FBLN7: variants seen among roughly 807,000 people sequenced by gnomAD.
The protein encoded by FBLN7 is fibulin-7.
Under a neutral mutation model 44.0 loss-of-function variants are expected in FBLN7, and 31 were observed. The observed-to-expected ratio is 0.70, with a 90% confidence interval of 0.53 to 0.95. FBLN7 has a LOEUF of 0.95. Ranked by LOEUF, FBLN7 falls within the 40% of genes least tolerant of loss-of-function variation. FBLN7 has a pLI of 0.00. For synonymous variants in FBLN7, 262 were observed against 253.4 expected (o/e 1.03, Z -0.32); for missense variants, 573 against 618.5 (o/e 0.93, Z 0.78).
chr2:112,205,862 T>C, the FBLN7 span, among the ~76,000 whole-genome samples: 1 of 152,166 alleles, frequency 6.6e-6, no homozygotes, highest in Admixed American at 6.5e-5. Flanking sequence ...AAAAAATTAT[T>C]TGGGGATTTT....
chr2:112,194,196 C>T, the FBLN7 span, among the ~76,000 whole-genome samples: 4 of 152,134 alleles, frequency 2.6e-5, no homozygotes, highest in East Asian at 7.7e-4. Context: ...CTTGGGCTCT[C>T]CATGTGGCTT....
At chr2:112,144,220 A>G (rs1573759293) in intron 1 of FBLN7, among the ~76,000 whole-genome samples, 1 of 152,320 alleles carries the variant, frequency 6.6e-6, no homozygotes, top group Middle Eastern at 3.4e-3. Context: ...TTGGCCGAAG[A>G]TTCAATTGAT....
rs1558899461 is a variant in FBLN7, at chr2:112,187,322, A to G, written c.1136A>G (p.Asn379Ser). The change falls in exon 8 of 8, where the codon AAC becomes AGC. Residue 379 changes from asparagine (N) to serine (S), a missense_variant. Coordinates refer to ENST00000331203, the MANE Select transcript of FBLN7 (RefSeq NM_153214.3). The surrounding 1 kb of genome is among the most constrained non-coding windows in gnomAD (Gnocchi z 5.1). ...CTGCGGTTTGGGATCGTGGGTGGGA[A>G]CAGCCGCGGCCACTTTGTGATGCAG... ...NSLRFGIVGGNSRGHFVMQRS... is the reference protein window; with the variant it reads ...NSLRFGIVGGSSRGHFVMQRS... 2 of 1,614,126 alleles carry G rather than the reference A, an allele frequency of 1.2e-6. No individual in the cohort carries two copies. Among genetic ancestry groups the G allele is most frequent in the Non-Finnish European group, 1.7e-6 (2 of 1,180,024 alleles).
chr2:112,180,655 T>C (rs1314476632), intron 4 of FBLN7, among the ~76,000 whole-genome samples: 3 of 152,124 alleles, frequency 2.0e-5, no homozygotes, highest in Non-Finnish European at 4.4e-5. Context: ...GCGTGGTGGC[T>C]CACGCCTGTA....
chr2:112,227,301 G>A, the FBLN7 span, among the ~76,000 whole-genome samples: 1 of 152,216 alleles, frequency 6.6e-6, no homozygotes, highest in African/African-American at 2.4e-5. Context: ...GAGGCAGGCG[G>A]ATCGCCTGAG....
intron 2 of FBLN7, among the ~76,000 whole-genome samples, chr2:112,160,122 C>T (rs961534490): frequency 6.6e-6 from 1 of 152,084 alleles, no homozygotes; most frequent in Non-Finnish European, 1.5e-5. Flanking sequence ...TCCCGCGTAG[C>T]TGGGACTACA....
chr2:112,207,564 T>C, the FBLN7 span, among the ~76,000 whole-genome samples: 5 of 152,334 alleles, frequency 3.3e-5, no homozygotes, highest in South Asian at 2.1e-4. Context: ...GCTCAGTTCT[T>C]CTATATATTT....
chr2:112,202,593 C>A, the FBLN7 span, among the ~76,000 whole-genome samples: 2 of 151,970 alleles, frequency 1.3e-5, no homozygotes, highest in African/African-American at 4.8e-5. Context: ...CCAAAACAGT[C>A]AAAAATCAAC....
rs1409737002 is a variant in FBLN7, at chr2:112,147,327, T to C, written c.75+8597T>C. Among the ~76,000 whole-genome samples, 3 of 152,348 alleles carry C rather than the reference T, an allele frequency of 2.0e-5. No individual in the cohort carries two copies. In the East Asian group the frequency reaches 5.8e-4, roughly 29 times the overall value. On this transcript the variant is annotated intron_variant, in intron 1 of 7. Transcript: ENST00000331203. ...ACCTCTCTCTTGAGGCACCTACTTC[T>C]AAATACTCTGGGGACCACTCCGCAT...
chr2:112,189,824 C>T (rs573344671), downstream of FBLN7: 14 of 152,262 alleles, frequency 9.2e-5, no homozygotes, highest in East Asian at 2.3e-3. Flanking sequence ...GAATGTATCT[C>T]TAAAAGACAA....
At chr2:112,157,838 G>T (rs1317604259) in intron 1 of FBLN7, among the ~76,000 whole-genome samples, 1 of 151,832 alleles carries the variant, frequency 6.6e-6, no homozygotes, top group Non-Finnish European at 1.5e-5. Flanking sequence ...GGATGCAAGT[G>T]ATCCCAAAGT....
intron 2 of FBLN7, among the ~76,000 whole-genome samples, chr2:112,162,024 T>C (rs1181569545): frequency 2.0e-5 from 3 of 152,142 alleles, no homozygotes; most frequent in Non-Finnish European, 4.4e-5. Flanking sequence ...AACTACCTTA[T>C]TGCTTTTTAA....
At chr2:112,162,035 AAG>A (rs1022746492) in intron 2 of FBLN7, among the ~76,000 whole-genome samples, 7 of 152,192 alleles carry the variant, frequency 4.6e-5, no homozygotes, top group Non-Finnish European at 1.5e-5. Context: ...TGCTTTTTAA[AAG>A]AGAGACAAGG....
the FBLN7 span, among the ~76,000 whole-genome samples, chr2:112,223,403 T>C: frequency 4.0e-5 from 6 of 151,894 alleles, no homozygotes; most frequent in Non-Finnish European, 8.8e-5. Flanking sequence ...ATAAAATAAA[T>C]AAAGCCATTA....
chr2:112,156,403 C>T (rs1197659448), intron 1 of FBLN7, among the ~76,000 whole-genome samples: 1 of 152,218 alleles, frequency 6.6e-6, no homozygotes, highest in Non-Finnish European at 1.5e-5. Flanking sequence ...CGTTTCTCCA[C>T]GGGGTTGCTG....
rs1573747333 is a variant in FBLN7 at position 112,138,492 on chromosome 2, G to A, written c.-164G>A. 6 of 840,080 alleles carry A rather than the reference G, an allele frequency of 7.1e-6. No homozygotes were observed. The highest frequency in any genetic ancestry group is 9.6e-6 in the Non-Finnish European group (6 of 622,454). 52.0% of individuals were successfully genotyped at this position (840,080 alleles called of 1,614,324 possible). Reference sequence around the variant, plus strand: ...GCCCGGGCGGCGCCGATCCCCGCGGGACGCGCTGCGCTCGGGGCCTCCCGC... The same window carrying A: ...GCCCGGGCGGCGCCGATCCCCGCGGAACGCGCTGCGCTCGGGGCCTCCCGC... On this transcript the variant is annotated 5_prime_UTR_variant, in exon 1 of 8. Transcript: ENST00000331203.
chr2:112,213,812 T>C, the FBLN7 span: 1 of 132,602 alleles, frequency 7.5e-6, no homozygotes, highest in Non-Finnish European at 1.6e-5. Context: ...AAAAAAAAAA[T>C]TTAGTTCTAC....
intron 7 of FBLN7, among the ~76,000 whole-genome samples, 169 bp from the exon 8 acceptor site, chr2:112,186,965 C>A (rs1423223515): frequency 6.6e-6 from 1 of 152,192 alleles, no homozygotes; most frequent in African/African-American, 2.4e-5. Flanking sequence ...ATGCCTGACA[C>A]CAGCTACATT....
chr2:112,142,796 G>A (rs1000125122), intron 1 of FBLN7, among the ~76,000 whole-genome samples: 1 of 149,316 alleles, frequency 6.7e-6, no homozygotes, highest in African/African-American at 2.5e-5. Context: ...ATAGATGTAT[G>A]TGTCTCTGTG....
Sources: allele counts gnomAD v4.1 joint callset (sites outside exome capture counted in the v4.1 genomes callset), GRCh38; gene constraint gnomAD v4.1.1; non-coding constraint Gnocchi (gnomAD v3.1); transcripts MANE v1.5; gene names NCBI Gene and HGNC (gene_info 2026-07-23, HGNC 2026-07-21).